Variants in CACNA1I observed in about 807,000 individuals in gnomAD.
CACNA1I encodes voltage-dependent T-type calcium channel subunit alpha-1I.
Under a neutral mutation model 201.6 loss-of-function variants are expected in CACNA1I, and 74 were observed. That is an observed-to-expected ratio of 0.37 (90% CI 0.30 to 0.45). The LOEUF (loss-of-function observed/expected upper bound fraction) is 0.45. Ranked by LOEUF, CACNA1I falls within the 20% of genes least tolerant of loss-of-function variation. The pLI is 1.00. For synonymous variants in CACNA1I, 1,431 were observed against 1,345.2 expected, an observed-to-expected ratio of 1.06 and a Z score of -1.40; for missense variants, 2,346 against 3,138.1, an observed-to-expected ratio of 0.75 and a Z score of 6.03.
chr22:39,665,480 G>T lies in CACNA1I; in HGVS notation c.3852-18G>T. On this transcript the variant is annotated intron_variant, in intron 21 of 36. Coordinates refer to ENST00000402142, the MANE Select transcript of CACNA1I (RefSeq NM_021096.4). The surrounding 1 kb of genome is among the most constrained non-coding windows in gnomAD (Gnocchi z 5.5). ...CTGGCCAAGGGATTATGTGTGCCTG[G>T]CCTCTCCCTGCCGTCAGTGTCATCA... is the stretch of plus-strand genomic sequence containing the variant. The T allele has an allele frequency of 6.2e-7, 1 of 1,613,066 alleles. No individual in the cohort carries two copies. The highest frequency in any genetic ancestry group is 8.5e-7 in the Non-Finnish European group (1 of 1,179,612).
At chr22:39,619,254 C>T (rs1053344464) in intron 3 of CACNA1I, 56 bp from the exon 4 acceptor site, 1 of 1,371,360 alleles carries the variant, frequency 7.3e-7, no homozygotes. Flanking sequence ...GTGGCCCGGG[C>T]CCTGGCCCCA....
chr22:39,619,252 G>A, intron 3 of CACNA1I, 58 bp from the exon 4 acceptor site: 1 of 1,352,260 alleles, frequency 7.4e-7, no homozygotes, highest in Non-Finnish European at 1.1e-6. Flanking sequence ...CTGTGGCCCG[G>A]GCCCTGGCCC....
chr22:39,571,194 A>G, intron 1 of CACNA1I: 1 of 596,420 alleles, frequency 1.7e-6, no homozygotes, highest in Non-Finnish European at 3.0e-6. Context: ...TGCTGATGTG[A>G]AGGTTCTGGA....
Position 39,672,244 on chromosome 22 carries a change from G to A in CACNA1I, c.4585G>A (p.Val1529Ile), listed in dbSNP as rs760464351. The change falls in exon 27 of 37, where the codon GTC becomes ATC. Residue 1529 changes from valine (V) to isoleucine (I), a missense_variant. By Grantham distance (29) the Val-to-Ile change is conservative (BLOSUM62 3). Coordinates refer to ENST00000402142, the MANE Select transcript of CACNA1I (RefSeq NM_021096.4). ...LKYCNYMFTT[V>I]FVLEAVLKLV... Reference sequence around the variant, plus strand: ...GTACTGCAACTATATGTTCACCACTGTCTTTGTGCTGGAGGCTGTGCTGAA... The same window carrying A: ...GTACTGCAACTATATGTTCACCACTATCTTTGTGCTGGAGGCTGTGCTGAA... 1 of 1,613,866 alleles carries A rather than the reference G, an allele frequency of 6.2e-7. No individual in the cohort carries two copies. The highest frequency in any genetic ancestry group is 8.5e-7 in the Non-Finnish European group (1 of 1,179,842).
chr22:39,621,583 C>CA (rs1259299453), intron 4 of CACNA1I, among the ~76,000 whole-genome samples: 2 of 152,298 alleles, frequency 1.3e-5, no homozygotes, highest in Admixed American at 1.3e-4. Context: ...GAGGGTGGCC[C>CA]AATCCTGCTT....
At chr22:39,621,464 G>A (rs1408001824) in intron 4 of CACNA1I, among the ~76,000 whole-genome samples, 2 of 152,232 alleles carry the variant, frequency 1.3e-5, no homozygotes, top group Non-Finnish European at 2.9e-5. Flanking sequence ...CCCCGGGCTT[G>A]CAGAATGCAT....
chr22:39,574,480 G>C (rs1932281977), intron 1 of CACNA1I, among the ~76,000 whole-genome samples: 1 of 152,078 alleles, frequency 6.6e-6, no homozygotes, highest in South Asian at 2.1e-4. Context: ...TTGGGATGGG[G>C]TGCGTGTGTG....
At position 39,670,715 on chromosome 22, in the gene CACNA1I, C is replaced by T; in HGVS notation, c.4388-88C>T. On this transcript the variant is annotated intron_variant, in intron 25 of 36. Coordinates refer to ENST00000402142, the MANE Select transcript of CACNA1I (RefSeq NM_021096.4). ...TCTTCCTCTTTGCCCCCTCCCTTTC[C>T]TCCACCTTTCTGTCCTTTGTGCTCT... 4 of 1,327,430 alleles carry T rather than the reference C, an allele frequency of 3.0e-6. No individual in the cohort carries two copies. The South Asian group carries it at 3.7e-5, about 12-fold the overall frequency. 82.2% of individuals were successfully genotyped at this position (1,327,430 alleles called of 1,614,324 possible).
chr22:39,656,307 C>T (rs1934817669), intron 10 of CACNA1I: 5 of 470,786 alleles, frequency 1.1e-5, no homozygotes, highest in Non-Finnish European at 2.1e-5. Context: ...GGAGGGGCTC[C>T]TGCTCTCGGT....
At chr22:39,578,328 T>A (rs1266839244) in intron 1 of CACNA1I, among the ~76,000 whole-genome samples, 1 of 152,192 alleles carries the variant, frequency 6.6e-6, no homozygotes, top group Non-Finnish European at 1.5e-5. Context: ...TGGGACTCTC[T>A]GGGAGCTCTG....
intron 10 of CACNA1I, among the ~76,000 whole-genome samples, chr22:39,651,785 T>C (rs926557338): frequency 2.6e-5 from 4 of 152,146 alleles, no homozygotes; most frequent in Non-Finnish European, 4.4e-5. Context: ...GAGCTTGAAA[T>C]TGGCCGTGGA....
At chr22:39,581,793 G>A (rs184982929) in intron 1 of CACNA1I, among the ~76,000 whole-genome samples, 57 of 152,348 alleles carry the variant, frequency 3.7e-4, no homozygotes, top group Admixed American at 6.5e-4. Flanking sequence ...CAGCCAGGAT[G>A]TCTTCTGCTA....
Position 39,672,263 on chromosome 22 carries a change from T to C in CACNA1I, c.4604T>C (p.Val1535Ala), listed in dbSNP as rs1011212749. 5.6e-6 allele frequency: 9 copies of C among 1,613,680 alleles called. No individual in the cohort carries two copies. The highest frequency in any genetic ancestry group is 7.6e-6 in the Non-Finnish European group (9 of 1,179,848). Residue 1535 changes from valine (V) to alanine (A), a missense_variant, in exon 27 of 37, where the codon GTG (valine) becomes GCG (alanine). Val to Ala is a moderately conservative substitution (Grantham distance 64). Coordinates refer to ENST00000402142, the MANE Select transcript of CACNA1I (RefSeq NM_021096.4). ...ACCACTGTCTTTGTGCTGGAGGCTG[T>C]GCTGAAGCTGGTGGCATTTGGTCTG... The part of the protein sequence containing the change: ...MFTTVFVLEA[V>A]LKLVAFGLRR...
Position 39,677,384 on chromosome 22 carries a change from A to G in CACNA1I, c.4898A>G (p.Tyr1633Cys). The G allele has an allele frequency of 1.3e-6, 2 of 1,597,742 alleles. No homozygotes were observed. Among genetic ancestry groups the G allele is most frequent in the South Asian group, 1.1e-5 (1 of 88,298 alleles). The change falls in exon 30 of 37, where the codon TAT (tyrosine) becomes TGT (cysteine). Residue 1633 changes from tyrosine to cysteine, a missense_variant. By Grantham distance (194) the Tyr-to-Cys change is radical. Transcript: ENST00000402142. The surrounding 1 kb of genome is among the most constrained non-coding windows in gnomAD (Gnocchi z 4.8). ...GLLFMLLFFI[Y>C]AALGVELFGK... ...CTCTTCATGCTGCTCTTCTTCATCT[A>G]TGCTGCTCTCGGGGTGGAGCTCTTT...
chr22:39,583,417 CATCCATCCATCT>C (rs1932647857), intron 1 of CACNA1I, among the ~76,000 whole-genome samples: 2 of 152,146 alleles, frequency 1.3e-5, no homozygotes, highest in African/African-American at 4.8e-5. Flanking sequence ...CCCATTTAGC[CATCCATCCATCT>C]ATCCATCCAT....
At chr22:39,636,056 G>T (rs538044612) in intron 5 of CACNA1I, among the ~76,000 whole-genome samples, 126 of 152,364 alleles carry the variant, frequency 8.3e-4, no homozygotes, top group Non-Finnish European at 1.3e-3. Flanking sequence ...CTAGAGCAGG[G>T]CTTGGCACAG....
rs1238681292 is a variant in CACNA1I at position 39,659,132 on chromosome 22, TG to T, written c.2330+21del. 1.9e-6 allele frequency: 3 copies of T among 1,610,948 alleles called. No individual in the cohort carries two copies. Among genetic ancestry groups the T allele is most frequent in the African/African-American group, 1.3e-5 (1 of 74,986 alleles). On this transcript the variant is annotated intron_variant, in intron 12 of 36. Coordinates refer to ENST00000402142, the MANE Select transcript of CACNA1I (RefSeq NM_021096.4). The surrounding 1 kb of genome is among the most constrained non-coding windows in gnomAD (Gnocchi z 4.3). ...TCATCTTCAGGTGAGCCTGCCCTGC[TG>T]GGGGCCATACCTCAGCACCTGCTGG...
chr22:39,683,672 G>A (rs1299698136), intron 35 of CACNA1I, among the ~76,000 whole-genome samples: 1 of 152,168 alleles, frequency 6.6e-6, no homozygotes, highest in Non-Finnish European at 1.5e-5. Flanking sequence ...AAGGTGTGGA[G>A]GGGACTGTGG....
At chr22:39,667,505 C>T (rs1282428191) in intron 23 of CACNA1I, among the ~76,000 whole-genome samples, 1 of 152,208 alleles carries the variant, frequency 6.6e-6, no homozygotes, top group African/African-American at 2.4e-5. Context: ...TGTGAACCTA[C>T]TAACTACTGG....
Sources: allele counts gnomAD v4.1 joint callset (sites outside exome capture counted in the v4.1 genomes callset), GRCh38; gene constraint gnomAD v4.1.1; non-coding constraint Gnocchi (gnomAD v3.1); transcripts MANE v1.5; gene names NCBI Gene and HGNC (gene_info 2026-07-23, HGNC 2026-07-21).